Variants in L3MBTL4 observed in about 807,000 individuals in gnomAD.
L3MBTL4 encodes the protein L3MBTL histone methyl-lysine binding protein 4, also known as lethal(3)malignant brain tumor-like protein 4.
A neutral mutation model predicts 84.5 loss-of-function variants in L3MBTL4; 70 were observed. The ratio of observed to expected loss-of-function variants is 0.83; its 90% confidence interval spans 0.68 to 1.01. L3MBTL4 has a LOEUF of 1.01. L3MBTL4 is among the 50% of genes least tolerant of loss of function. The pLI, the probability that L3MBTL4 is intolerant of heterozygous loss-of-function variation, is 0.00. For missense variants in L3MBTL4, 715 were observed against 754.8 expected, an observed-to-expected ratio of 0.95 and a Z score of 0.62; for synonymous variants, 274 against 259.8, an observed-to-expected ratio of 1.05 and a Z score of -0.52.
At chr18:6,166,588 TAAC>T (rs1287322383) in intron 13 of L3MBTL4, among the ~76,000 whole-genome samples, 1 of 152,014 alleles carries the variant, frequency 6.6e-6, no homozygotes, top group Non-Finnish European at 1.5e-5. Flanking sequence ...ACTGGGTACA[TAAC>T]AAAATGAAGG....
At chr18:6,308,764 T>C (rs11662140) in intron 3 of L3MBTL4, among the ~76,000 whole-genome samples, 28,713 of 152,070 alleles carry the variant, frequency 0.19, 2,842 homozygotes, top group African/African-American at 0.23. Flanking sequence ...TTTTTTTTTC[T>C]TATGTAGACA....
chr18:6,236,660 G>T (rs940822888), intron 10 of L3MBTL4, among the ~76,000 whole-genome samples: 5 of 152,142 alleles, frequency 3.3e-5, no homozygotes, highest in Admixed American at 6.5e-5. Context: ...GTTAGTTTTA[G>T]CCACTTTTAC....
intron 16 of L3MBTL4, chr18:6,029,795 T>C (rs2055692749): frequency 3.0e-6 from 3 of 985,360 alleles, no homozygotes; most frequent in Non-Finnish European, 3.6e-6. Flanking sequence ...GATATTAAAG[T>C]TCATTTGGAA....
At chr18:6,336,322 T>A (rs1357722250) in intron 1 of L3MBTL4, among the ~76,000 whole-genome samples, 1 of 151,760 alleles carries the variant, frequency 6.6e-6, no homozygotes, top group Non-Finnish European at 1.5e-5. Context: ...TTTACACAGG[T>A]AAAGGACCAT....
chr18:6,057,657 T>G (rs1174143388), intron 16 of L3MBTL4, among the ~76,000 whole-genome samples: 11 of 151,852 alleles, frequency 7.2e-5, no homozygotes, highest in South Asian at 2.1e-4. Flanking sequence ...TAAAAAGTAT[T>G]CAAAAAAAGA....
At chr18:6,103,117 TA>T (rs2143904768) in intron 14 of L3MBTL4, among the ~76,000 whole-genome samples, 1 of 152,364 alleles carries the variant, frequency 6.6e-6, no homozygotes, top group East Asian at 1.9e-4. Context: ...GTAATTTGTC[TA>T]ATTTATGCAT....
At chr18:6,068,616 A>G (rs2057474644) in intron 16 of L3MBTL4, among the ~76,000 whole-genome samples, 1 of 152,170 alleles carries the variant, frequency 6.6e-6, no homozygotes, top group African/African-American at 2.4e-5. Context: ...GTGGGGATGC[A>G]ATCACCCTAA....
chr18:6,118,208 A>ACACACACACACACACACACACACACACAC (rs2059415716), intron 14 of L3MBTL4, among the ~76,000 whole-genome samples: 31 of 141,828 alleles, frequency 2.2e-4, no homozygotes, highest in East Asian at 8.9e-4. Context: ...AACACACACA[A>ACACACACACACACACACACACACACACAC]ACACACACAC....
At chr18:6,186,985 C>T (rs1160075109) in intron 12 of L3MBTL4, among the ~76,000 whole-genome samples, 1 of 152,074 alleles carries the variant, frequency 6.6e-6, no homozygotes. Context: ...CTGTGTGATG[C>T]TAAGGCCTCA....
intron 10 of L3MBTL4, among the ~76,000 whole-genome samples, chr18:6,219,771 G>A (rs1422392606): frequency 6.6e-6 from 1 of 151,992 alleles, no homozygotes; most frequent in Non-Finnish European, 1.5e-5. Context: ...AGGAAGAAGG[G>A]GATTTTCCAA....
At chr18:6,240,976 T>A (rs1378423266) in intron 8 of L3MBTL4, among the ~76,000 whole-genome samples, 1 of 152,218 alleles carries the variant, frequency 6.6e-6, no homozygotes, top group Non-Finnish European at 1.5e-5. Context: ...TTCATTACAC[T>A]TAAATATATC....
At chr18:6,197,866 G>A (rs750659334) in intron 12 of L3MBTL4, among the ~76,000 whole-genome samples, 1 of 152,226 alleles carries the variant, frequency 6.6e-6, no homozygotes, top group Non-Finnish European at 1.5e-5. Flanking sequence ...TTTGAAGGAA[G>A]TAATGCGAAG....
chr18:6,034,295 C>G (rs1031116162), intron 16 of L3MBTL4, among the ~76,000 whole-genome samples: 3 of 152,034 alleles, frequency 2.0e-5, no homozygotes, highest in Non-Finnish European at 4.4e-5. Context: ...TATCCCTCCC[C>G]GCTCCCCCCA....
intron 5 of L3MBTL4, among the ~76,000 whole-genome samples, chr18:6,263,507 A>G (rs2048499334): frequency 6.6e-6 from 1 of 152,160 alleles, no homozygotes. Flanking sequence ...TGTCTTCTCT[A>G]ACATCTTGCT....
At chr18:6,251,372 G>C (rs774888958) in intron 5 of L3MBTL4, among the ~76,000 whole-genome samples, 1 of 152,228 alleles carries the variant, frequency 6.6e-6, no homozygotes. Context: ...TTCTCAGTAA[G>C]AGAAAGGAAG....
chr18:6,380,694 C>T (rs887120262), intron 1 of L3MBTL4, among the ~76,000 whole-genome samples: 26 of 151,962 alleles, frequency 1.7e-4, no homozygotes, highest in African/African-American at 3.4e-4. Context: ...GTTTATTATG[C>T]TTCCCATTCT....
intron 14 of L3MBTL4, among the ~76,000 whole-genome samples, chr18:6,110,854 T>C (rs143036605): frequency 1.3e-5 from 2 of 152,240 alleles, no homozygotes; most frequent in African/African-American, 2.4e-5. Flanking sequence ...AAGTGCTGGA[T>C]AGACGCATTC....
At chr18:6,179,793 A>G (rs1235092470) in intron 12 of L3MBTL4, among the ~76,000 whole-genome samples, 1 of 151,580 alleles carries the variant, frequency 6.6e-6, no homozygotes, top group Non-Finnish European at 1.5e-5. Context: ...ACACCACACC[A>G]CTCAATTATT....
At chr18:6,268,407 C>CAAAAA (rs374801819) in intron 4 of L3MBTL4, among the ~76,000 whole-genome samples, 5 of 148,178 alleles carry the variant, frequency 3.4e-5, no homozygotes, top group African/African-American at 1.2e-4. Context: ...AACTCTGTCT[C>CAAAAA]AAAAAAAAAA....
Sources: gnomAD v4.1 joint callset for allele counts (sites outside exome capture counted in the v4.1 genomes callset) on GRCh38, gnomAD v4.1.1 for gene constraint, MANE v1.5 for transcripts, NCBI Gene and HGNC (gene_info 2026-07-23, HGNC 2026-07-21) for gene names.